The following LIMK1 variants were observed in gnomAD, a reference collection of about 807,000 sequenced individuals.
LIMK1 encodes LIM domain kinase 1.
A neutral mutation model predicts 77.6 loss-of-function variants in LIMK1; 21 were observed. The observed-to-expected ratio is 0.27, with a 90% CI of 0.19 to 0.39. The LOEUF is 0.39. Ranked by LOEUF, LIMK1 falls within the 10% of genes least tolerant of loss-of-function variation. LIMK1 has a pLI of 1.00. For synonymous variants in LIMK1, 358 were observed against 370.0 expected (o/e 0.97, Z 0.37); for missense variants, 696 against 901.6 (o/e 0.77, Z 2.92).
intron 2 of LIMK1, among the ~76,000 whole-genome samples, chr7:74,087,889 C>T (rs1554694251): frequency 6.6e-6 from 1 of 151,914 alleles, no homozygotes; most frequent in Non-Finnish European, 1.5e-5. Context: ...TGCACCTGGC[C>T]TCGGTTTGTT....
chr7:74,107,013 G>T lies in LIMK1; in HGVS notation c.885G>T (p.Arg295Ser). 1 of 1,583,238 alleles carries T rather than the reference G, an allele frequency of 6.3e-7. No homozygotes were observed. Residue 295 changes from arginine to serine, a missense_variant, in exon 8 of 16, where the codon AGG (arginine) becomes AGT (serine). Physicochemically the swap from Arg to Ser is moderately radical, Grantham distance 110. Coordinates refer to ENST00000336180, the MANE Select transcript of LIMK1 (RefSeq NM_002314.4). ...TGGCACCATGTGTGCCCCCCAGGAG[G>T]AGCTGCAGCATCGACAGGTCTCCGG... is the stretch of plus-strand genomic sequence containing the variant. ...GSSARQKPVL[R>S]SCSIDRSPGA...
chr7:74,120,661 G>A (rs1799914845), intron 14 of LIMK1, 23 bp downstream of exon 14: 2 of 1,613,586 alleles, frequency 1.2e-6, no homozygotes, highest in Non-Finnish European at 1.7e-6. Context: ...TTGGGTAGCA[G>A]CGGTGTTGAG....
At chr7:74,085,903 G>A (rs1554693998) in intron 2 of LIMK1, 59 bp downstream of exon 2, 3 of 1,337,542 alleles carry the variant, frequency 2.2e-6, no homozygotes, top group Admixed American at 4.0e-5. Flanking sequence ...GAGAGGACAG[G>A]CTGGTCAAGG....
Position 74,121,677 on chromosome 7 carries a change from C to G in LIMK1, c.*376C>G. The stretch of plus-strand genomic sequence containing the variant: ...GGTCCATAGCTCCCTGGAGGCTGGG[C>G]CAGGAGGCAGCCTCCGAACCATGCC... On this transcript the variant is annotated 3_prime_UTR_variant, in exon 16 of 16. Coordinates refer to ENST00000336180, the MANE Select transcript of LIMK1 (RefSeq NM_002314.4). The G allele has an allele frequency of 9.3e-6, 2 of 214,610 alleles. No individual in the cohort carries two copies. Among genetic ancestry groups the G allele is most frequent in the Non-Finnish European group, 1.8e-5 (2 of 109,074 alleles). 13.3% of individuals were successfully genotyped at this position (214,610 alleles called of 1,614,324 possible). A position where few individuals can be genotyped will look rare whatever the true frequency, so the allele number is the denominator to read the frequency against.
chr7:74,108,087 C>A (rs1554697958), intron 9 of LIMK1, 130 bp downstream of exon 9: 1 of 690,266 alleles, frequency 1.4e-6, no homozygotes, highest in Non-Finnish European at 2.6e-6. Flanking sequence ...CATAGTGGCT[C>A]ACGCCTGTAA....
Position 74,109,175 on chromosome 7 carries a change from A to G in LIMK1, c.1284+139A>G, listed in dbSNP as rs782551938. 62 of 708,606 alleles carry G rather than the reference A, an allele frequency of 8.7e-5. No individual in the cohort carries two copies. In the African/African-American group the frequency reaches 8.9e-4, roughly 10 times the overall value. The allele number at this position is 708,606 out of a possible 1,614,324, so 43.9% of individuals were successfully genotyped here. A position where few individuals can be genotyped will look rare whatever the true frequency, so the allele number is the denominator to read the frequency against. On this transcript the variant is annotated intron_variant, in intron 10 of 15. Transcript: ENST00000336180. ...GCCCTCTGAACCCTGATTCCTAATC[A>G]AAAAGGGGAGCGACTGACTCCATCT... is the stretch of plus-strand genomic sequence containing the variant.
intron 13 of LIMK1, among the ~76,000 whole-genome samples, chr7:74,116,486 G>A (rs782457529): frequency 4.6e-5 from 7 of 152,088 alleles, no homozygotes; most frequent in Non-Finnish European, 1.0e-4. Context: ...GAAGTCCAGC[G>A]TCAGCCTCAC....
Position 74,093,446 on chromosome 7 carries a change from A to G in LIMK1, c.153-3176A>G. 5.0e-6 allele frequency: 5 copies of G among 998,944 alleles called. No homozygotes were observed. In the South Asian group the frequency reaches 7.9e-5, roughly 16 times the overall value. The allele number at this position is 998,944 out of a possible 1,614,324, so 61.9% of individuals were successfully genotyped here. A position where few individuals can be genotyped will look rare whatever the true frequency, so the allele number is the denominator to read the frequency against. Reference sequence around the variant, plus strand: ...TTACTGTCGGCTGCAGCCTGGGAGCAGGCCACTGCCAAAGCTGTGGGTCCT... The same window carrying G: ...TTACTGTCGGCTGCAGCCTGGGAGCGGGCCACTGCCAAAGCTGTGGGTCCT... On this transcript the variant is annotated intron_variant, in intron 2 of 15. Coordinates refer to ENST00000336180, the MANE Select transcript of LIMK1 (RefSeq NM_002314.4).
intron 13 of LIMK1, among the ~76,000 whole-genome samples, chr7:74,116,582 G>T (rs1347672728): frequency 6.6e-6 from 1 of 152,014 alleles, no homozygotes; most frequent in African/African-American, 2.4e-5. Flanking sequence ...GCTCGTGGAG[G>T]CTTCCTCATT....
At position 74,097,200 on chromosome 7, in the gene LIMK1, T is replaced by C. The variant is rs893326472; in HGVS notation, c.401+11T>C. 6.3e-7 allele frequency: 1 copy of C among 1,574,998 alleles called. No homozygotes were observed. Among genetic ancestry groups the C allele is most frequent in the African/African-American group, 1.4e-5 (1 of 73,946 alleles). On this transcript the variant is annotated intron_variant, in intron 4 of 15. Coordinates refer to ENST00000336180, the MANE Select transcript of LIMK1 (RefSeq NM_002314.4). The stretch of plus-strand genomic sequence containing the variant: ...CTCCAAGCTGTACTGGTGAGTGCCT[T>C]GGCCCCTCCCTGAGCCTAGGAGGCC...
intron 2 of LIMK1, among the ~76,000 whole-genome samples, chr7:74,088,672 C>T (rs7794790): frequency 0.12 from 18,393 of 151,782 alleles, 1,576 homozygotes; most frequent in East Asian, 0.33. Context: ...CATGGTGGCA[C>T]ATGACTGTAA....
chr7:74,121,499 C>T lies in LIMK1; in HGVS notation c.*198C>T, dbSNP rs1799939251. 2 of 576,114 alleles carry T rather than the reference C, an allele frequency of 3.5e-6. No homozygotes were observed. Among genetic ancestry groups the T allele is most frequent in the East Asian group, 5.8e-5 (2 of 34,502 alleles). 35.7% of individuals were successfully genotyped at this position (576,114 alleles called of 1,614,324 possible). On this transcript the variant is annotated 3_prime_UTR_variant, in exon 16 of 16. Transcript: ENST00000336180. ...CCGTGGCCCAGAGCCGGCCCAGCTG[C>T]ACACACACACCATGCTCTCGCCCTG...
chr7:74,107,353 G>A (rs959981708), intron 8 of LIMK1, among the ~76,000 whole-genome samples, 160 bp downstream of exon 8: 1 of 152,110 alleles, frequency 6.6e-6, no homozygotes, highest in African/African-American at 2.4e-5. Flanking sequence ...ATTAGGAACA[G>A]GGGACCTCCT....
chr7:74,102,327 T>C (rs1257806779), intron 5 of LIMK1, among the ~76,000 whole-genome samples: 1 of 151,992 alleles, frequency 6.6e-6, no homozygotes, highest in Non-Finnish European at 1.5e-5. Flanking sequence ...TCTCTATATA[T>C]ACATATATGG....
intron 2 of LIMK1, among the ~76,000 whole-genome samples, chr7:74,093,485 C>T (rs572046879): frequency 2.0e-5 from 3 of 152,328 alleles, no homozygotes; most frequent in Admixed American, 2.0e-4. Context: ...AGGACAGTCT[C>T]CCCATGAGGC....
chr7:74,119,888 A>G (rs533520198), intron 13 of LIMK1, among the ~76,000 whole-genome samples: 2 of 152,270 alleles, frequency 1.3e-5, no homozygotes, highest in African/African-American at 4.8e-5. Context: ...TGCCTGGACA[A>G]CAAAGCAAGA....
In LIMK1 at chr7:74,107,138, C is replaced by T. The variant is rs782144000; in HGVS notation, c.1010C>T (p.Ser337Leu). Reference sequence around the variant, plus strand: ...CGGCCACACCGCATCTTCCGGCCGTCGGACCTCATCCACGGGGAGGTGCTG... The same window carrying T: ...CGGCCACACCGCATCTTCCGGCCGTTGGACCTCATCCACGGGGAGGTGCTG... ...VCRPHRIFRP[S>L]DLIHGEVLGK... is the part of the protein sequence containing the mutation. The change falls in exon 8 of 16, where the codon TCG (serine) becomes TTG (leucine). Residue 337 changes from serine (S) to leucine (L), a missense_variant. Transcript: ENST00000336180. 1.3e-5 allele frequency: 21 copies of T among 1,612,976 alleles called. No homozygotes were observed. In the East Asian group the frequency reaches 3.8e-4, roughly 29 times the overall value.
intron 3 of LIMK1, 40 bp downstream of exon 3, chr7:74,096,800 G>A (rs200952414): frequency 1.9e-4 from 287 of 1,548,734 alleles, no homozygotes; most frequent in Admixed American, 1.1e-3. Context: ...TGGGGTGGGG[G>A]TATCCAAGCA....
intron 13 of LIMK1, among the ~76,000 whole-genome samples, chr7:74,117,340 C>T (rs190341129): frequency 6.6e-6 from 1 of 152,004 alleles, no homozygotes; most frequent in Non-Finnish European, 1.5e-5. Flanking sequence ...GGGACCCTTA[C>T]GGTGACATTG....
Sources: allele counts gnomAD v4.1 joint callset (sites outside exome capture counted in the v4.1 genomes callset), GRCh38; gene constraint gnomAD v4.1.1; transcripts MANE v1.5; gene names NCBI Gene and HGNC (gene_info 2026-07-23, HGNC 2026-07-21).